Variants in KLHL29 observed in about 807,000 individuals in gnomAD.
KLHL29 encodes kelch-like protein 29.
In KLHL29, 21 loss-of-function variants were observed where a neutral mutation model predicts 80.4. The observed-to-expected ratio is 0.26, with a 90% CI of 0.19 to 0.38. The LOEUF (loss-of-function observed/expected upper bound fraction) is 0.38, where lower values mean the gene tolerates loss of function less well. Among genes scored for constraint, KLHL29 ranks in the 10% least tolerant of loss-of-function variants. KLHL29 has a pLI of 1.00. For synonymous variants in KLHL29, 511 were observed against 526.8 expected, an observed-to-expected ratio of 0.97 and a Z score of 0.41; for missense variants, 867 against 1,223.9, an observed-to-expected ratio of 0.71 and a Z score of 4.35.
chr2:23,459,874 A>T (rs986375937), intron 1 of KLHL29, among the ~76,000 whole-genome samples: 7 of 152,172 alleles, frequency 4.6e-5, no homozygotes, highest in African/African-American at 1.7e-4. Context: ...AGAACTTTGG[A>T]TAGAGTGATG....
At chr2:23,595,858 G>A (rs1572425548) in intron 3 of KLHL29, among the ~76,000 whole-genome samples, 1 of 152,310 alleles carries the variant, frequency 6.6e-6, no homozygotes, top group South Asian at 2.1e-4. Context: ...CCAGTGAATT[G>A]TGAGCTCCCC....
chr2:23,538,858 T>C (rs765130866), intron 2 of KLHL29, among the ~76,000 whole-genome samples: 1 of 152,216 alleles, frequency 6.6e-6, no homozygotes, highest in East Asian at 1.9e-4. Flanking sequence ...ACAAAACAAA[T>C]AGGCATCACC....
At position 23,562,609 on chromosome 2, in the gene KLHL29, G is replaced by T; in HGVS notation, c.285+128G>T. On this transcript the variant is annotated intron_variant, in intron 3 of 13. Transcript: ENST00000486442. This position sits in a 1 kb window ranked among gnomAD's most constrained non-coding sequence, Gnocchi z 4.5. ...CACGCCCCGAGTCCTCCAGAGTCTT[G>T]TCCTTCCAGGACCTGGGCCTGGAAA... is the stretch of plus-strand genomic sequence containing the variant. The T allele has an allele frequency of 1.1e-6, 1 of 916,274 alleles. No homozygotes were observed. 56.8% of individuals were successfully genotyped at this position (916,274 alleles called of 1,614,324 possible).
chr2:23,562,409 T>A lies in KLHL29; in HGVS notation c.213T>A (p.Ala71=). ...TGCCCACCCCGGCTACAGCTCCTGCTCCCTGCACCACCGGCAGCAGCGAGG... is the reference window on the plus strand; with the variant it reads ...TGCCCACCCCGGCTACAGCTCCTGCACCCTGCACCACCGGCAGCAGCGAGG... ...SRLPTPATAP[A]PCTTGSSEAI... is the part of the protein sequence containing the mutation. Residue 71 remains alanine (A), a synonymous_variant, in exon 3 of 14, where the codon GCT becomes GCA. Coordinates refer to ENST00000486442, the MANE Select transcript of KLHL29 (RefSeq NM_052920.2). This position sits in a 1 kb window ranked among gnomAD's most constrained non-coding sequence, Gnocchi z 4.5. 2 of 1,538,338 alleles carry A rather than the reference T, an allele frequency of 1.3e-6. No homozygotes were observed. The highest frequency in any genetic ancestry group is 8.7e-7 in the Non-Finnish European group (1 of 1,146,678).
At chr2:23,694,017 G>A (rs1219314582) in intron 8 of KLHL29, among the ~76,000 whole-genome samples, 2 of 152,200 alleles carry the variant, frequency 1.3e-5, no homozygotes, top group African/African-American at 4.8e-5. Flanking sequence ...CAGATCAGGT[G>A]GGAGGCAGGG....
intron 1 of KLHL29, among the ~76,000 whole-genome samples, chr2:23,392,681 G>T (rs1278824471): frequency 6.6e-6 from 1 of 152,204 alleles, no homozygotes; most frequent in Non-Finnish European, 1.5e-5. Context: ...ACGTTGTTCA[G>T]CTGGGTTTGA....
chr2:23,437,421 A>T (rs1009161565), intron 1 of KLHL29, among the ~76,000 whole-genome samples: 1 of 152,206 alleles, frequency 6.6e-6, no homozygotes, highest in Non-Finnish European at 1.5e-5. Flanking sequence ...CTAGGATGAA[A>T]GGCATTTTCT....
intron 2 of KLHL29, among the ~76,000 whole-genome samples, chr2:23,482,854 T>G (rs1218096579): frequency 6.6e-6 from 1 of 151,706 alleles, no homozygotes; most frequent in African/African-American, 2.4e-5. Context: ...CATTCATTCA[T>G]TCATTCATTC....
intron 1 of KLHL29, among the ~76,000 whole-genome samples, chr2:23,454,291 C>T (rs1437671706): frequency 1.3e-5 from 2 of 152,252 alleles, no homozygotes; most frequent in Middle Eastern, 3.4e-3. Flanking sequence ...GTCACCTCCC[C>T]TCCCCTCCTG....
chr2:23,417,108 C>A (rs1293774306), intron 1 of KLHL29, among the ~76,000 whole-genome samples: 5 of 152,164 alleles, frequency 3.3e-5, no homozygotes, highest in Non-Finnish European at 5.9e-5. Context: ...GGGCCATCAG[C>A]CTTCTTCTCT....
rs886716532 is a variant in KLHL29, at chr2:23,385,393, C to G, written c.-541C>G. The G allele has an allele frequency of 6.7e-6, 1 of 149,294 alleles. No individual in the cohort carries two copies. Among genetic ancestry groups the G allele is most frequent in the African/African-American group, 2.5e-5 (1 of 40,544 alleles). 9.2% of individuals were successfully genotyped at this position (149,294 alleles called of 1,614,324 possible). A position where few individuals can be genotyped will look rare whatever the true frequency, so the allele number is the denominator to read the frequency against. ...GCCCGAGCCGCGAGCCCGGAGCCAG[C>G]CCCAGCCCCGCGGCCGCCGCGGCTG... On this transcript the variant is annotated 5_prime_UTR_variant, in exon 1 of 14. Coordinates refer to ENST00000486442, the MANE Select transcript of KLHL29 (RefSeq NM_052920.2).
At chr2:23,523,950 C>A in intron 2 of KLHL29, 1 of 470,840 alleles carries the variant, frequency 2.1e-6, no homozygotes, top group Non-Finnish European at 4.4e-6. Flanking sequence ...TAAGTACTTA[C>A]CTCGTAAAGA....
chr2:23,554,771 G>C (rs1462035715), intron 2 of KLHL29, among the ~76,000 whole-genome samples: 1 of 152,190 alleles, frequency 6.6e-6, no homozygotes, highest in Non-Finnish European at 1.5e-5. Context: ...CAAACACACA[G>C]AGGCTCATGG....
chr2:23,432,528 A>C (rs1350853060), intron 1 of KLHL29, among the ~76,000 whole-genome samples: 1 of 152,236 alleles, frequency 6.6e-6, no homozygotes, highest in Non-Finnish European at 1.5e-5. Context: ...CACTTCTGGA[A>C]AAGGGGCATG....
chr2:23,391,540 A>G (rs763883576), intron 1 of KLHL29, among the ~76,000 whole-genome samples: 23 of 152,078 alleles, frequency 1.5e-4, no homozygotes, highest in Non-Finnish European at 3.2e-4. Context: ...GGTTCAAGCA[A>G]TTATCCTGCC....
At position 23,562,077 on chromosome 2, in the gene KLHL29, G is replaced by A; in HGVS notation, c.-45-75G>A. ...GGCCTGTTATTGAACCCAGAGAAGG[G>A]GCTTCATGGATGCTGTCAGTTGTCG... On this transcript the variant is annotated intron_variant, in intron 2 of 13. Coordinates refer to ENST00000486442, the MANE Select transcript of KLHL29 (RefSeq NM_052920.2). The surrounding 1 kb of genome is among the most constrained non-coding windows in gnomAD (Gnocchi z 4.5). The A allele has an allele frequency of 8.8e-7, 1 of 1,137,070 alleles. No homozygotes were observed. The highest frequency in any genetic ancestry group is 1.4e-5 in the South Asian group (1 of 70,358). 70.4% of individuals were successfully genotyped at this position (1,137,070 alleles called of 1,614,324 possible). A position where few individuals can be genotyped will look rare whatever the true frequency, so the allele number is the denominator to read the frequency against.
chr2:23,602,503 T>C (rs1485538586), intron 3 of KLHL29, among the ~76,000 whole-genome samples: 1 of 152,130 alleles, frequency 6.6e-6, no homozygotes, highest in Non-Finnish European at 1.5e-5. Flanking sequence ...TGGGGAACTT[T>C]TAGGAAGCCA....
chr2:23,395,788 C>A (rs1377587751), intron 1 of KLHL29, among the ~76,000 whole-genome samples: 1 of 151,776 alleles, frequency 6.6e-6, no homozygotes, highest in South Asian at 2.1e-4. Context: ...CGATTGCATT[C>A]AACACTGCCT....
intron 1 of KLHL29, among the ~76,000 whole-genome samples, chr2:23,449,074 G>T (rs1452908460): frequency 6.6e-6 from 1 of 152,148 alleles, no homozygotes; most frequent in East Asian, 1.9e-4. Context: ...AGGATTTGAA[G>T]CCAGGCTGTG....
Sources: allele counts gnomAD v4.1 joint callset (sites outside exome capture counted in the v4.1 genomes callset), GRCh38; gene constraint gnomAD v4.1.1; non-coding constraint Gnocchi (gnomAD v3.1); transcripts MANE v1.5; gene names NCBI Gene and HGNC (gene_info 2026-07-23, HGNC 2026-07-21).